Variants in FOXP2 observed in about 807,000 individuals in gnomAD.
FOXP2 encodes the protein forkhead box protein P2.
FOXP2 carries 12 observed loss-of-function variants against 115.8 expected under a neutral mutation model. That is an observed-to-expected ratio of 0.10 (90% CI 0.07 to 0.17). FOXP2 has a LOEUF of 0.17. FOXP2 is among the 10% of genes least tolerant of loss of function. FOXP2 has a pLI of 1.00. For synonymous variants in FOXP2, 328 were observed against 297.7 expected (o/e 1.10, Z -1.05); for missense variants, 629 against 843.5 (o/e 0.75, Z 3.15).
At chr7:114,253,974 G>T (rs980808232) in intron 1 of FOXP2, among the ~76,000 whole-genome samples, 2 of 152,132 alleles carry the variant, frequency 1.3e-5, no homozygotes, top group Admixed American at 1.3e-4. Context: ...AGGAGCCCTT[G>T]TAGGGCAGGC....
At chr7:114,653,884 A>G in intron 9 of FOXP2, 42 bp from the exon 10 acceptor site, 1 of 1,563,478 alleles carries the variant, frequency 6.4e-7, no homozygotes, top group Non-Finnish European at 8.8e-7. Flanking sequence ...TAGCTGTATC[A>G]GTCATTTCTA....
At chr7:114,582,494 G>A (rs1801920489) in intron 3 of FOXP2, among the ~76,000 whole-genome samples, 1 of 152,072 alleles carries the variant, frequency 6.6e-6, no homozygotes, top group South Asian at 2.1e-4. Flanking sequence ...TGTTATATTT[G>A]ATGATATTAT....
At chr7:114,638,050 G>C (rs1423773741) in intron 6 of FOXP2, among the ~76,000 whole-genome samples, 1 of 152,120 alleles carries the variant, frequency 6.6e-6, no homozygotes, top group Non-Finnish European at 1.5e-5. Flanking sequence ...TTGGGGTTGA[G>C]GGAGGGGGCT....
intron 2 of FOXP2, chr7:114,297,309 G>A (rs1339476787): frequency 1.4e-5 from 8 of 564,212 alleles, no homozygotes; most frequent in East Asian, 4.1e-5. Flanking sequence ...CATGTCCCAC[G>A]CAAACTTGGT....
intron 16 of FOXP2, among the ~76,000 whole-genome samples, chr7:114,682,288 G>T (rs986559271): frequency 6.6e-6 from 1 of 151,964 alleles, no homozygotes; most frequent in African/African-American, 2.4e-5. Flanking sequence ...TATAAATGAG[G>T]TGCCTAAACT....
At chr7:114,438,979 T>C (rs1217248994) in intron 2 of FOXP2, among the ~76,000 whole-genome samples, 1 of 152,174 alleles carries the variant, frequency 6.6e-6, no homozygotes, top group Non-Finnish European at 1.5e-5. Context: ...GTTTTTAAAG[T>C]TAAAATAGTT....
chr7:114,564,913 G>A (rs1584901180), intron 3 of FOXP2, among the ~76,000 whole-genome samples: 1 of 149,846 alleles, frequency 6.7e-6, no homozygotes, highest in Non-Finnish European at 1.5e-5. Context: ...AATGTTATTT[G>A]TGCCCATTAC....
chr7:114,387,712 TA>T (rs971181450), intron 2 of FOXP2, among the ~76,000 whole-genome samples: 1 of 152,112 alleles, frequency 6.6e-6, no homozygotes, highest in African/African-American at 2.4e-5. Context: ...ATATTCACAG[TA>T]AAAAAATTCT....
chr7:114,277,265 A>ATT (rs1289360283), intron 1 of FOXP2, among the ~76,000 whole-genome samples: 4 of 152,278 alleles, frequency 2.6e-5, no homozygotes, highest in African/African-American at 9.6e-5. Context: ...GTAGGTTTTA[A>ATT]AAAGGGTATC....
intron 2 of FOXP2, among the ~76,000 whole-genome samples, chr7:114,520,499 A>G (rs963054837): frequency 2.0e-5 from 3 of 152,114 alleles, no homozygotes; most frequent in East Asian, 1.9e-4. Flanking sequence ...TTTTATCTCT[A>G]GTATCTAACA....
chr7:114,325,236 G>A (rs977479168), intron 2 of FOXP2, among the ~76,000 whole-genome samples: 1 of 151,854 alleles, frequency 6.6e-6, no homozygotes, highest in South Asian at 2.1e-4. Flanking sequence ...AGTTGTCTCT[G>A]ATTGTTTTTG....
chr7:114,393,745 G>T (rs1201702556), intron 2 of FOXP2, among the ~76,000 whole-genome samples: 2 of 152,056 alleles, frequency 1.3e-5, no homozygotes, highest in South Asian at 2.1e-4. Context: ...ATAATGGAGG[G>T]GAAGGTGAGA....
intron 2 of FOXP2, among the ~76,000 whole-genome samples, chr7:114,463,919 A>G (rs773468359): frequency 2.6e-4 from 40 of 152,222 alleles, no homozygotes; most frequent in Non-Finnish European, 4.7e-4. Context: ...ACTAACAAAG[A>G]GAGAGACAGT....
chr7:114,115,323 T>G (rs1584487078), intron 1 of FOXP2, among the ~76,000 whole-genome samples: 1 of 152,330 alleles, frequency 6.6e-6, no homozygotes, highest in East Asian at 1.9e-4. Flanking sequence ...GAAGGTTCTC[T>G]AACACAGCAG....
chr7:114,392,507 C>T (rs1037408890), intron 2 of FOXP2, among the ~76,000 whole-genome samples: 2 of 152,020 alleles, frequency 1.3e-5, no homozygotes, highest in Non-Finnish European at 2.9e-5. Flanking sequence ...AGTGAGTTCC[C>T]CTATGAAGCA....
upstream of FOXP2, among the ~76,000 whole-genome samples, chr7:114,159,725 T>C (rs1792779466): frequency 6.6e-6 from 1 of 152,102 alleles, no homozygotes; most frequent in Non-Finnish European, 1.5e-5. Context: ...TGCTAGCTAT[T>C]GTAGGAGCCA....
chr7:114,276,702 T>C (rs1056050238), intron 1 of FOXP2, among the ~76,000 whole-genome samples: 1 of 152,152 alleles, frequency 6.6e-6, no homozygotes, highest in South Asian at 2.1e-4. Context: ...ATGATAGGAC[T>C]CCTTGGTTTT....
intron 2 of FOXP2, among the ~76,000 whole-genome samples, chr7:114,443,509 G>A (rs953479304): frequency 2.6e-5 from 4 of 151,980 alleles, no homozygotes; most frequent in African/African-American, 9.7e-5. Context: ...TTAGTGTACC[G>A]ATTATTTCAT....
intron 3 of FOXP2, among the ~76,000 whole-genome samples, chr7:114,563,734 A>G (rs1202815676): frequency 6.6e-6 from 1 of 152,152 alleles, no homozygotes; most frequent in Non-Finnish European, 1.5e-5. Context: ...TCTTCCAGAA[A>G]CACCTACCTA....
Sources: gnomAD v4.1 joint callset for allele counts (sites outside exome capture counted in the v4.1 genomes callset) on GRCh38, gnomAD v4.1.1 for gene constraint, MANE v1.5 for transcripts, NCBI Gene and HGNC (gene_info 2026-07-23, HGNC 2026-07-21) for gene names.